FLT3: variants seen among roughly 807,000 people sequenced by gnomAD.
FLT3 encodes receptor-type tyrosine-protein kinase FLT3.
FLT3 carries 46 observed loss-of-function variants against 126.6 expected under a neutral mutation model. The ratio of observed to expected loss-of-function variants is 0.36; its 90% CI spans 0.29 to 0.46. FLT3 has a LOEUF of 0.46. FLT3 is among the 20% of genes least tolerant of loss of function. The pLI, the probability that FLT3 is intolerant of heterozygous loss-of-function variation, is 1.00. For missense variants in FLT3, 1,069 were observed against 1,190.3 expected, an observed-to-expected ratio of 0.90 and a Z score of 1.50; for synonymous variants, 404 against 434.4, an observed-to-expected ratio of 0.93 and a Z score of 0.87.
intron 20 of FLT3, among the ~76,000 whole-genome samples, chr13:28,016,214 C>A (rs938222969): frequency 1.3e-5 from 2 of 152,048 alleles, no homozygotes; most frequent in Non-Finnish European, 2.9e-5. Context: ...TAGTCTCAGA[C>A]TAGAATCAAG....
rs754904480 is a variant in FLT3 at position 28,014,576 on chromosome 13, A to G, written c.2754-19T>C. 1.3e-6 allele frequency: 2 copies of G among 1,549,596 alleles called. No homozygotes were observed. Among genetic ancestry groups the G allele is most frequent in the African/African-American group, 2.7e-5 (2 of 73,572 alleles). ...AATGTATCTGTAAAAGCAATAGAAC[A>G]AGGAACAAGATGAAGAAGTCTGAAT... On this transcript the variant is annotated intron_variant, in intron 22 of 23. Transcript: ENST00000241453.
At chr13:28,055,948 C>T (rs550833877) in intron 4 of FLT3, among the ~76,000 whole-genome samples, 8 of 152,232 alleles carry the variant, frequency 5.3e-5, no homozygotes, top group South Asian at 2.1e-4. Flanking sequence ...AGGTGATTCT[C>T]GGCTTTGGAG....
Position 28,033,913 on chromosome 13 carries a change from A to G in FLT3, c.1916T>C (p.Ile639Thr). ...TTTCAGCATTTTGACGGCAACCTGGATTGAGACTCCTGTTTTGCTAATTCC... is the reference window on the plus strand; with the variant it reads ...TTTCAGCATTTTGACGGCAACCTGGGTTGAGACTCCTGTTTTGCTAATTCC... ...AYGISKTGVS[I>T]QVAVKMLKEK... The change falls in exon 15 of 24, where the codon ATC becomes ACC. Residue 639 changes from isoleucine (I) to threonine (T), a missense_variant. Ile to Thr is a moderately conservative substitution (Grantham distance 89). Transcript: ENST00000241453. The G allele has an allele frequency of 6.2e-7, 1 of 1,614,116 alleles. No individual in the cohort carries two copies. The highest frequency in any genetic ancestry group is 8.5e-7 in the Non-Finnish European group (1 of 1,179,990).
intron 9 of FLT3, among the ~76,000 whole-genome samples, chr13:28,048,033 C>T (rs1375023912): frequency 6.6e-6 from 1 of 152,226 alleles, no homozygotes; most frequent in Non-Finnish European, 1.5e-5. Flanking sequence ...CAGACTCAAA[C>T]TAGACCAGAC....
Position 28,028,181 on chromosome 13 carries a change from A to G in FLT3, c.2050T>C (p.Ser684Pro), listed in dbSNP as rs199906407. Residue 684 changes from serine to proline, a missense_variant, in exon 16 of 24, where the codon TCA becomes CCA. By Grantham distance (74) the Ser-to-Pro change is moderately conservative (BLOSUM62 -1). Transcript: ENST00000241453. Reference protein sequence around the residue: ...IVNLLGACTLSGPIYLIFEYC... With the variant: ...IVNLLGACTLPGPIYLIFEYC... ...GATTTTCGTGGAAGTGGGTTACCTGACAGTGTGCACGCCCCCAGCAGGTTC... is the reference window on the plus strand; with the variant it reads ...GATTTTCGTGGAAGTGGGTTACCTGGCAGTGTGCACGCCCCCAGCAGGTTC... 230 of 1,556,266 alleles carry G rather than the reference A, an allele frequency of 1.5e-4. No individual in the cohort carries two copies. The highest frequency in any genetic ancestry group is 2.0e-4 in the Non-Finnish European group (220 of 1,127,488).
chr13:28,005,078 C>G (rs184693936), intron 23 of FLT3, among the ~76,000 whole-genome samples: 2 of 152,292 alleles, frequency 1.3e-5, no homozygotes, highest in African/African-American at 4.8e-5. Context: ...GCCTGTAATC[C>G]CAGCACTTTG....
At chr13:28,059,821 G>A (rs568622184) in intron 3 of FLT3, among the ~76,000 whole-genome samples, 21 of 151,954 alleles carry the variant, frequency 1.4e-4, no homozygotes, top group African/African-American at 3.4e-4. Context: ...TTAGCTGGGC[G>A]TGGTGGCAGG....
At chr13:28,070,882 T>C (rs1877442196) in intron 1 of FLT3, among the ~76,000 whole-genome samples, 2 of 152,188 alleles carry the variant, frequency 1.3e-5, no homozygotes, top group Middle Eastern at 3.4e-3. Flanking sequence ...TAGCTACATG[T>C]GGCTCTTAAG....
intron 1 of FLT3, among the ~76,000 whole-genome samples, chr13:28,084,273 G>A (rs1188575461): frequency 1.3e-5 from 2 of 151,922 alleles, no homozygotes; most frequent in South Asian, 2.1e-4. Flanking sequence ...GATTACATGC[G>A]CAAGCTACTG....
chr13:28,026,968 G>A (rs1437479631), intron 17 of FLT3, 120 bp downstream of exon 17: 13 of 794,934 alleles, frequency 1.6e-5, no homozygotes, highest in Non-Finnish European at 2.3e-5. Context: ...AAATCTCTAG[G>A]TTGCAGGACC....
chr13:28,004,248 A>G (rs1593200671), intron 23 of FLT3, 74 bp from the exon 24 acceptor site: 2 of 1,437,382 alleles, frequency 1.4e-6, no homozygotes, highest in South Asian at 2.4e-5. Flanking sequence ...CATATTACAA[A>G]TTATTTAAAT....
intron 17 of FLT3, chr13:28,025,333 A>C: frequency 2.2e-6 from 1 of 444,484 alleles, no homozygotes; most frequent in Non-Finnish European, 4.4e-6. Context: ...CCCTCACATA[A>C]TACAGATCTT....
chr13:28,091,350 T>G (rs562516038), intron 1 of FLT3, among the ~76,000 whole-genome samples: 1 of 146,406 alleles, frequency 6.8e-6, no homozygotes, highest in Non-Finnish European at 1.5e-5. Flanking sequence ...GCCTCCCGAG[T>G]AGCTGGGACT....
chr13:28,095,707 T>A (rs1879407667), intron 1 of FLT3, among the ~76,000 whole-genome samples: 1 of 152,192 alleles, frequency 6.6e-6, no homozygotes, highest in South Asian at 2.1e-4. Context: ...AGGCAATGTC[T>A]GGTAGGTATG....
chr13:28,031,755 C>T (rs1421727164), intron 15 of FLT3, among the ~76,000 whole-genome samples: 2 of 152,080 alleles, frequency 1.3e-5, no homozygotes, highest in African/African-American at 4.8e-5. Context: ...GCTGGGGGAA[C>T]TGAAAGAAGG....
At chr13:28,018,372 A>G in intron 20 of FLT3, 95 bp downstream of exon 20, 1 of 1,436,724 alleles carries the variant, frequency 7.0e-7, no homozygotes, top group African/African-American at 1.4e-5. Context: ...GTTACCATAA[A>G]TCAAAAATGC....
At position 28,037,039 on chromosome 13, in the gene FLT3, T is replaced by C. The variant is rs191835661; in HGVS notation, c.1309+146A>G. ...GATATATGATCAATGCCAGTAGATA[T>C]GAGAGTAAAGTTTCAAAACACTTCA... is the stretch of plus-strand genomic sequence containing the variant. On this transcript the variant is annotated intron_variant, in intron 10 of 23. Coordinates refer to ENST00000241453, the MANE Select transcript of FLT3 (RefSeq NM_004119.3). The C allele has an allele frequency of 1.1e-4, 65 of 606,960 alleles. 1 individual carries two copies. In the East Asian group the frequency reaches 1.7e-3, roughly 16 times the overall value. The allele number at this position is 606,960 out of a possible 1,614,324, so 37.6% of individuals were successfully genotyped here.
chr13:28,027,337 T>C lies in FLT3; in HGVS notation c.2054-96A>G. 6.3e-6 allele frequency: 6 copies of C among 950,542 alleles called. 1 individual carries two copies. In the South Asian group the frequency reaches 8.8e-5, roughly 14 times the overall value. 58.9% of individuals were successfully genotyped at this position (950,542 alleles called of 1,614,324 possible). A position where few individuals can be genotyped will look rare whatever the true frequency, so the allele number is the denominator to read the frequency against. ...ACAACATACTCTTAGGAGGGCTTGG[T>C]TCTCTGCTGACTTGGGGACAGTACA... On this transcript the variant is annotated intron_variant, in intron 16 of 23. Coordinates refer to ENST00000241453, the MANE Select transcript of FLT3 (RefSeq NM_004119.3).
chr13:28,040,339 A>G (rs1408407613), intron 9 of FLT3, among the ~76,000 whole-genome samples: 4 of 124,450 alleles, frequency 3.2e-5, no homozygotes, highest in African/African-American at 1.0e-4. Context: ...AAAAGAGCAA[A>G]CCCTAGAGGC....
Sources: allele counts gnomAD v4.1 joint callset (sites outside exome capture counted in the v4.1 genomes callset), GRCh38; gene constraint gnomAD v4.1.1; transcripts MANE v1.5; gene names NCBI Gene and HGNC (gene_info 2026-07-23, HGNC 2026-07-21).